Variants in PCSK2 observed in about 807,000 individuals in gnomAD.
PCSK2 encodes the protein proprotein convertase subtilisin/kexin type 2.
PCSK2 carries 14 observed loss-of-function variants against 69.7 expected under a neutral mutation model. The observed-to-expected ratio is 0.20, with a 90% CI of 0.13 to 0.31. The LOEUF (loss-of-function observed/expected upper bound fraction) is 0.31. PCSK2 is among the 10% of genes least tolerant of loss of function. PCSK2 has a pLI of 1.00. For missense variants in PCSK2, 544 were observed against 842.5 expected, an observed-to-expected ratio of 0.65 and a Z score of 4.39; for synonymous variants, 307 against 320.7, an observed-to-expected ratio of 0.96 and a Z score of 0.46.
chr20:17,275,084 C>CATATATATATATATATATATAT (rs11474649), intron 2 of PCSK2, among the ~76,000 whole-genome samples: 6 of 141,548 alleles, frequency 4.2e-5, no homozygotes, highest in Admixed American at 1.4e-4. Context: ...ATTATTTATA[C>CATATATATATATATATATATAT]ATATATATAT....
intron 8 of PCSK2, among the ~76,000 whole-genome samples, chr20:17,447,383 C>G (rs947486818): frequency 6.6e-6 from 1 of 151,454 alleles, no homozygotes; most frequent in African/African-American, 2.4e-5. Flanking sequence ...AGGAAAGACA[C>G]AAAAAGATAA....
At position 17,453,226 on chromosome 20, in the gene PCSK2, T is replaced by C. The variant is rs2032858959; in HGVS notation, c.886-516T>C. Reference sequence around the variant, plus strand: ...ATATTTAAATTTATATATTGATATATAGCTATTTAAAATAAAAGGTATATA... The same window carrying C: ...ATATTTAAATTTATATATTGATATACAGCTATTTAAAATAAAAGGTATATA... On this transcript the variant is annotated intron_variant, in intron 8 of 11. Coordinates refer to ENST00000262545, the MANE Select transcript of PCSK2 (RefSeq NM_002594.5). This position sits in a 1 kb window ranked among gnomAD's most constrained non-coding sequence, Gnocchi z 4.0. Among the ~76,000 whole-genome samples, 1 of 152,282 alleles carries C rather than the reference T, an allele frequency of 6.6e-6. No homozygotes were observed. The highest frequency in any genetic ancestry group is 2.4e-5 in the African/African-American group (1 of 41,574).
intron 2 of PCSK2, among the ~76,000 whole-genome samples, chr20:17,272,596 C>T (rs915561908): frequency 6.6e-6 from 1 of 152,064 alleles, no homozygotes; most frequent in Non-Finnish European, 1.5e-5. Flanking sequence ...TTTTGATCAG[C>T]ATCAATATCT....
intron 2 of PCSK2, among the ~76,000 whole-genome samples, chr20:17,307,844 A>G (rs59730976): frequency 0.084 from 12,745 of 152,266 alleles, 718 homozygotes; most frequent in South Asian, 0.28. Context: ...AAAACACCTC[A>G]GACTGGGTAA....
Position 17,476,009 on chromosome 20 carries a change from C to G in PCSK2, c.1431-5575C>G, listed in dbSNP as rs558628124. 1.5e-4 allele frequency among the ~76,000 whole-genome samples: 23 copies of G among 152,352 alleles called. 1 individual carries two copies. In the South Asian group the frequency reaches 4.6e-3, roughly 30 times the overall value. On this transcript the variant is annotated intron_variant, in intron 11 of 11. Coordinates refer to ENST00000262545, the MANE Select transcript of PCSK2 (RefSeq NM_002594.5). ...CTTCTCAAAGACTCCCAAAGCCCCT[C>G]TGGCTCAACTCTAGAAGGAAAGCCC...
chr20:17,260,314 C>T lies in PCSK2; in HGVS notation c.252C>T (p.His84=), dbSNP rs746998948. 5 of 1,613,400 alleles carry T rather than the reference C, an allele frequency of 3.1e-6. No homozygotes were observed. The highest frequency in any genetic ancestry group is 1.1e-5 in the South Asian group (1 of 91,068). ...AGGCCAAGAGAAGACGCAGCCTACA[C>T]CACAAGCAGCAGCTGGAGAGAGACC... ...LAKAKRRRSL[H]HKQQLERDPR... Residue 84 remains histidine (H), a synonymous_variant, in exon 2 of 12, where the codon CAC becomes CAT. Coordinates refer to ENST00000262545, the MANE Select transcript of PCSK2 (RefSeq NM_002594.5).
intron 2 of PCSK2, among the ~76,000 whole-genome samples, chr20:17,295,405 G>A (rs905973959): frequency 2.0e-5 from 3 of 151,850 alleles, no homozygotes; most frequent in Non-Finnish European, 4.4e-5. Context: ...TGTTCTTTAC[G>A]CTCAGCTGGG....
chr20:17,284,768 C>T (rs2123053174), intron 2 of PCSK2, among the ~76,000 whole-genome samples: 1 of 152,268 alleles, frequency 6.6e-6, no homozygotes, highest in East Asian at 1.9e-4. Context: ...TCAAATCTGT[C>T]TCCCCAAGGA....
At chr20:17,418,673 CTTG>C (rs1224908870) in intron 6 of PCSK2, among the ~76,000 whole-genome samples, 4 of 152,196 alleles carry the variant, frequency 2.6e-5, no homozygotes, top group Non-Finnish European at 2.9e-5. Context: ...GAGCCTGGCA[CTTG>C]TTGTTGGCTG....
rs1430705853 is a variant in PCSK2 at position 17,347,787 on chromosome 20, C to CGAAATAAAGAAA, written c.283-10536_283-10535insTAAAGAAAGAAA. ...CTAAAACTGCTGAAAGACACATAGA[C>CGAAATAAAGAAA]GAAAGAAAGAAAGAAAGAAAGAAAG... On this transcript the variant is annotated intron_variant, in intron 2 of 11. Coordinates refer to ENST00000262545, the MANE Select transcript of PCSK2 (RefSeq NM_002594.5). Among the ~76,000 whole-genome samples, 251 of 48,550 alleles carry CGAAATAAAGAAA rather than the reference C, an allele frequency of 5.2e-3. 5 individuals are homozygous for CGAAATAAAGAAA. The highest frequency in any genetic ancestry group is 0.011 in the Middle Eastern group (1 of 88). 31.9% of individuals were successfully genotyped at this position (48,550 alleles called of 152,430 possible). A position where few individuals can be genotyped will look rare whatever the true frequency, so the allele number is the denominator to read the frequency against.
chr20:17,330,389 C>T (rs1034101924), intron 2 of PCSK2, among the ~76,000 whole-genome samples: 1 of 151,890 alleles, frequency 6.6e-6, no homozygotes, highest in Non-Finnish European at 1.5e-5. Flanking sequence ...GTCAGGAGTT[C>T]GAGACCAGCC....
At chr20:17,405,605 A>G (rs749225642) in intron 5 of PCSK2, among the ~76,000 whole-genome samples, 3 of 152,230 alleles carry the variant, frequency 2.0e-5, no homozygotes, top group Non-Finnish European at 2.9e-5. Context: ...ATAATAAGTG[A>G]CTGTCCTTTC....
intron 2 of PCSK2, among the ~76,000 whole-genome samples, chr20:17,332,224 G>C (rs1004670244): frequency 6.6e-6 from 1 of 152,144 alleles, no homozygotes. Flanking sequence ...GACTCAGCTT[G>C]GGATGGCTTT....
At chr20:17,410,281 T>C (rs2031840768) in intron 6 of PCSK2, among the ~76,000 whole-genome samples, 1 of 152,184 alleles carries the variant, frequency 6.6e-6, no homozygotes, top group Admixed American at 6.5e-5. Flanking sequence ...GCCCCATGCT[T>C]CAAATTATTT....
At chr20:17,403,620 G>C (rs1353983513) in intron 5 of PCSK2, among the ~76,000 whole-genome samples, 1 of 152,202 alleles carries the variant, frequency 6.6e-6, no homozygotes, top group African/African-American at 2.4e-5. Context: ...AGCTAATACT[G>C]TTACACAGCT....
chr20:17,424,236 A>G (rs954550964), intron 6 of PCSK2, among the ~76,000 whole-genome samples: 1 of 152,242 alleles, frequency 6.6e-6, no homozygotes, highest in Non-Finnish European at 1.5e-5. Context: ...ACTAGAATTC[A>G]CAAGTTAACT....
At chr20:17,303,457 A>T (rs62202218) in intron 2 of PCSK2, among the ~76,000 whole-genome samples, 4,767 of 59,128 alleles carry the variant, frequency 0.081, 178 homozygotes, top group Admixed American at 0.12. Flanking sequence ...ATATTATATT[A>T]AATATAATAT....
In PCSK2 at chr20:17,227,255, G is replaced by C. The variant is rs751270314; in HGVS notation, c.-51G>C. 7.0e-7 allele frequency: 1 copy of C among 1,418,584 alleles called. No homozygotes were observed. The highest frequency in any genetic ancestry group is 9.9e-7 in the Non-Finnish European group (1 of 1,006,158). 87.9% of individuals were successfully genotyped at this position (1,418,584 alleles called of 1,614,324 possible). A position where few individuals can be genotyped will look rare whatever the true frequency, so the allele number is the denominator to read the frequency against. On this transcript the variant is annotated 5_prime_UTR_variant, in exon 1 of 12. Coordinates refer to ENST00000262545, the MANE Select transcript of PCSK2 (RefSeq NM_002594.5). Reference sequence around the variant, plus strand: ...TTTGCACCCTCCCTCCGAGTCCCCTGCTCCGCCAGCCTGCGCGCCTCCTAG... The same window carrying C: ...TTTGCACCCTCCCTCCGAGTCCCCTCCTCCGCCAGCCTGCGCGCCTCCTAG...
At chr20:17,373,370 C>G (rs2030830250) in intron 5 of PCSK2, among the ~76,000 whole-genome samples, 1 of 152,092 alleles carries the variant, frequency 6.6e-6, no homozygotes, top group Admixed American at 6.6e-5. Flanking sequence ...ATTTATGTGA[C>G]AACTTCGTCA....
Sources: allele counts gnomAD v4.1 joint callset (sites outside exome capture counted in the v4.1 genomes callset), GRCh38; gene constraint gnomAD v4.1.1; non-coding constraint Gnocchi (gnomAD v3.1); transcripts MANE v1.5; gene names NCBI Gene and HGNC (gene_info 2026-07-23, HGNC 2026-07-21).